Variants in TRIM67 observed in about 807,000 individuals in gnomAD.
TRIM67 encodes the protein tripartite motif-containing protein 67.
A neutral mutation model predicts 71.0 loss-of-function variants in TRIM67; 39 were observed. That is an observed-to-expected ratio of 0.55 (90% CI 0.43 to 0.72). The LOEUF (loss-of-function observed/expected upper bound fraction) is 0.72, where lower values mean the gene tolerates loss of function less well. TRIM67 is among the 30% of genes least tolerant of loss of function. The pLI is 0.00. For synonymous variants in TRIM67, 481 were observed against 473.9 expected, an observed-to-expected ratio of 1.01 and a Z score of -0.19; for missense variants, 973 against 1,079.2, an observed-to-expected ratio of 0.90 and a Z score of 1.38.
rs1683454774 is a variant in TRIM67 at position 231,199,188 on chromosome 1, G to A, written c.1263+19G>A. 6.2e-7 allele frequency: 1 copy of A among 1,612,984 alleles called. No individual in the cohort carries two copies. The highest frequency in any genetic ancestry group is 1.3e-5 in the African/African-American group (1 of 74,914). The stretch of plus-strand genomic sequence containing the variant: ...GTTGAAGGTAGGTACCTGGGGGACT[G>A]ACACATTGAATCCCTGCCACATCCT... On this transcript the variant is annotated intron_variant, in intron 3 of 9. Coordinates refer to ENST00000366653, the MANE Select transcript of TRIM67 (RefSeq NM_001004342.5).
intron 1 of TRIM67, among the ~76,000 whole-genome samples, chr1:231,194,241 T>A (rs1013376276): frequency 6.6e-6 from 1 of 152,234 alleles, no homozygotes; most frequent in East Asian, 1.9e-4. Flanking sequence ...ATTCTTTCCC[T>A]GTCCCTGATA....
At chr1:231,215,332 C>T (rs771310806) in intron 9 of TRIM67, 43 bp from the exon 10 acceptor site, 1 of 1,599,460 alleles carries the variant, frequency 6.3e-7, no homozygotes, top group Non-Finnish European at 8.5e-7. Flanking sequence ...AGGGTCCCTG[C>T]GGCAGCCTCT....
intron 1 of TRIM67, among the ~76,000 whole-genome samples, chr1:231,173,673 G>T (rs1164269264): frequency 1.3e-5 from 2 of 152,204 alleles, no homozygotes; most frequent in East Asian, 3.9e-4. Flanking sequence ...AGTGTACAGG[G>T]CCTGGCGGGC....
At chr1:231,168,524 CCTA>C (rs1176698108) in intron 1 of TRIM67, among the ~76,000 whole-genome samples, 2 of 152,122 alleles carry the variant, frequency 1.3e-5, no homozygotes, top group Admixed American at 6.5e-5. Context: ...AAAGATGACA[CCTA>C]CTTTCTTTTT....
intron 1 of TRIM67, 66 bp downstream of exon 1, chr1:231,164,079 C>G (rs1033573076): frequency 3.6e-6 from 5 of 1,391,732 alleles, no homozygotes; most frequent in Non-Finnish European, 4.7e-6. Context: ...GGCTTTTGGC[C>G]TCTCCCTTGG....
intron 6 of TRIM67, among the ~76,000 whole-genome samples, chr1:231,205,314 C>T (rs528870572): frequency 6.6e-6 from 1 of 152,276 alleles, no homozygotes; most frequent in East Asian, 1.9e-4. Flanking sequence ...TCTTAGACCA[C>T]ATTATTTAAT....
intron 1 of TRIM67, chr1:231,184,987 A>C: frequency 6.6e-7 from 1 of 1,526,216 alleles, no homozygotes; most frequent in Non-Finnish European, 8.8e-7. Flanking sequence ...AGTGCTCCTG[A>C]ATGGGTGGCC....
intron 1 of TRIM67, among the ~76,000 whole-genome samples, chr1:231,172,177 T>C (rs977716946): frequency 3.9e-5 from 6 of 152,222 alleles, no homozygotes; most frequent in Non-Finnish European, 2.9e-5. Context: ...TGCAACAGAA[T>C]GCTATATGTA....
chr1:231,188,950 T>C (rs1296991792), intron 1 of TRIM67, among the ~76,000 whole-genome samples: 1 of 152,158 alleles, frequency 6.6e-6, no homozygotes. Context: ...CTCCACAAGA[T>C]CCACTTTTCT....
chr1:231,202,203 G>A (rs1051266702), intron 5 of TRIM67, among the ~76,000 whole-genome samples: 23 of 152,222 alleles, frequency 1.5e-4, no homozygotes, highest in Middle Eastern at 3.4e-3. Flanking sequence ...GGTGGTGGCT[G>A]AGATAGTGGA....
chr1:231,195,508 G>T (rs980684791), intron 1 of TRIM67, among the ~76,000 whole-genome samples: 3 of 152,214 alleles, frequency 2.0e-5, no homozygotes, highest in Admixed American at 6.5e-5. Flanking sequence ...CTGAGGTGGG[G>T]CTGGGAGTGG....
At chr1:231,200,373 C>A in intron 4 of TRIM67, 115 bp downstream of exon 4, 1 of 670,272 alleles carries the variant, frequency 1.5e-6, no homozygotes. Context: ...GTAGATTCTC[C>A]TTTGTTCAAT....
In TRIM67 at chr1:231,200,301, T is replaced by C. The variant is rs755374425; in HGVS notation, c.1374+43T>C. Reference sequence around the variant, plus strand: ...AGACACAAAGTGGGCTTCCTCCAACTGTCCCACTGTTCCCCAAATCAGCCC... The same window carrying C: ...AGACACAAAGTGGGCTTCCTCCAACCGTCCCACTGTTCCCCAAATCAGCCC... On this transcript the variant is annotated intron_variant, in intron 4 of 9. Coordinates refer to ENST00000366653, the MANE Select transcript of TRIM67 (RefSeq NM_001004342.5). The C allele has an allele frequency of 1.4e-5, 18 of 1,318,588 alleles. No individual in the cohort carries two copies. In the South Asian group the frequency reaches 1.4e-4, roughly 10 times the overall value. The allele number at this position is 1,318,588 out of a possible 1,614,324, so 81.7% of individuals were successfully genotyped here. A position where few individuals can be genotyped will look rare whatever the true frequency, so the allele number is the denominator to read the frequency against.
intron 1 of TRIM67, among the ~76,000 whole-genome samples, chr1:231,169,588 AG>A (rs1682569745): frequency 6.6e-6 from 1 of 151,866 alleles, no homozygotes; most frequent in Non-Finnish European, 1.5e-5. Flanking sequence ...CATGTTGGTC[AG>A]GCTGGTCTCA....
intron 6 of TRIM67, among the ~76,000 whole-genome samples, chr1:231,205,969 G>A (rs1370123650): frequency 6.6e-6 from 1 of 152,144 alleles, no homozygotes; most frequent in Non-Finnish European, 1.5e-5. Flanking sequence ...GCAGACCCAG[G>A]AAGCTTGCCT....
chr1:231,192,600 T>C (rs989064596), intron 1 of TRIM67, among the ~76,000 whole-genome samples: 2 of 152,252 alleles, frequency 1.3e-5, no homozygotes, highest in African/African-American at 4.8e-5. Context: ...AACTGACTTG[T>C]GGTCATTCAC....
intron 6 of TRIM67, among the ~76,000 whole-genome samples, chr1:231,204,386 T>G (rs943890998): frequency 8.5e-5 from 13 of 152,246 alleles, no homozygotes; most frequent in African/African-American, 3.1e-4. Context: ...GTATCATTTC[T>G]GGAGACGAGG....
intron 3 of TRIM67, 37 bp downstream of exon 3, chr1:231,199,206 C>T (rs1175312058): frequency 1.2e-6 from 2 of 1,603,534 alleles, no homozygotes; most frequent in South Asian, 2.2e-5. Flanking sequence ...GAATCCCTGC[C>T]ACATCCTCTG....
At position 231,219,149 on chromosome 1, in the gene TRIM67, C is replaced by T; in HGVS notation, c.*3709C>T. On this transcript the variant is annotated 3_prime_UTR_variant, in exon 10 of 10. Transcript: ENST00000366653. ...GAGTCAACATGTGAATGCTAAAGAA[C>T]ACTGCTGCACAGCCCGTGGGGTGGC... 1.0e-6 allele frequency: 1 copy of T among 985,422 alleles called. No individual in the cohort carries two copies. Among genetic ancestry groups the T allele is most frequent in the Non-Finnish European group, 1.2e-6 (1 of 829,968 alleles). 61.0% of individuals were successfully genotyped at this position (985,422 alleles called of 1,614,324 possible).
Sources: allele counts gnomAD v4.1 joint callset (sites outside exome capture counted in the v4.1 genomes callset), GRCh38; gene constraint gnomAD v4.1.1; transcripts MANE v1.5; gene names NCBI Gene and HGNC (gene_info 2026-07-23, HGNC 2026-07-21).